PRSS23: variants seen among roughly 807,000 people sequenced by gnomAD.
PRSS23 encodes the protein serine protease 23, also known as protease, serine 23.
PRSS23 carries 25 observed loss-of-function variants against 34.7 expected under a neutral mutation model. The ratio of observed to expected loss-of-function variants is 0.72; its 90% CI spans 0.53 to 1.01. The LOEUF (loss-of-function observed/expected upper bound fraction) is 1.01. Ranked by LOEUF, PRSS23 falls within the 50% of genes least tolerant of loss-of-function variation. The pLI is 0.00. For synonymous variants in PRSS23, 176 were observed against 186.6 expected, an observed-to-expected ratio of 0.94 and a Z score of 0.46; for missense variants, 445 against 475.6, an observed-to-expected ratio of 0.94 and a Z score of 0.60.
chr11:86,823,118 A>G (rs539308845), intron 1 of PRSS23, among the ~76,000 whole-genome samples: 113 of 152,344 alleles, frequency 7.4e-4, no homozygotes, highest in African/African-American at 2.6e-3. Flanking sequence ...ACTTTCCCTA[A>G]AAGAATGAAG....
At chr11:86,879,188 G>T (rs1443872325) in intron 2 of PRSS23, among the ~76,000 whole-genome samples, 1 of 147,426 alleles carries the variant, frequency 6.8e-6, no homozygotes, top group African/African-American at 2.5e-5. Context: ...GAGCGTCTCT[G>T]CCCGGCGGCC....
intron 2 of PRSS23, chr11:86,833,241 GA>G: frequency 6.4e-7 from 1 of 1,571,304 alleles, no homozygotes; most frequent in Non-Finnish European, 8.7e-7. Context: ...TGTTGGAGGT[GA>G]AACCGATGTC....
intron 2 of PRSS23, among the ~76,000 whole-genome samples, chr11:86,830,484 G>GT (rs1252328091): frequency 1.3e-5 from 2 of 152,042 alleles, no homozygotes; most frequent in Non-Finnish European, 2.9e-5. Context: ...CTCGCACATG[G>GT]TGCACTGCAC....
intron 2 of PRSS23, among the ~76,000 whole-genome samples, chr11:86,862,761 G>A (rs1948624765): frequency 6.6e-6 from 1 of 151,730 alleles, no homozygotes; most frequent in South Asian, 2.1e-4. Flanking sequence ...TATCCTAGGG[G>A]CATGTTACTC....
intron 2 of PRSS23, among the ~76,000 whole-genome samples, chr11:86,877,858 A>C (rs1590908156): frequency 3.0e-5 from 1 of 33,836 alleles, no homozygotes. Flanking sequence ...TCATTTCTGC[A>C]AAAAAAAAAA....
In PRSS23 at chr11:86,825,283, G is replaced by A. The variant is rs554842759; in HGVS notation, c.206+1690G>A. Reference sequence around the variant, plus strand: ...TTTGGCTGCATAAATGTCTTCTTTTGAGAAGTGTCTGTTCATGTCCTTGGC... The same window carrying A: ...TTTGGCTGCATAAATGTCTTCTTTTAAGAAGTGTCTGTTCATGTCCTTGGC... On this transcript the variant is annotated intron_variant, in intron 2 of 2. Coordinates refer to the PRSS23 transcript ENST00000533902. 2.0e-5 allele frequency among the ~76,000 whole-genome samples: 3 copies of A among 152,090 alleles called. No homozygotes were observed. The East Asian group carries it at 5.8e-4, about 29-fold the overall frequency.
At chr11:86,848,848 T>C (rs1368278056) in intron 2 of PRSS23, among the ~76,000 whole-genome samples, 2 of 152,154 alleles carry the variant, frequency 1.3e-5, no homozygotes, top group Non-Finnish European at 2.9e-5. Flanking sequence ...CCTTGGTGGC[T>C]CAGAGGGAAC....
intron 2 of PRSS23, among the ~76,000 whole-genome samples, chr11:86,866,647 A>G (rs1241461961): frequency 6.6e-6 from 1 of 152,228 alleles, no homozygotes; most frequent in Non-Finnish European, 1.5e-5. Context: ...GTTTGTCACC[A>G]ACAAATCTAA....
chr11:86,828,946 CTT>C (rs1948327136), intron 2 of PRSS23, among the ~76,000 whole-genome samples: 1 of 152,090 alleles, frequency 6.6e-6, no homozygotes, highest in Admixed American at 6.5e-5. Context: ...TTCATTTCAA[CTT>C]TGGTGAATCT....
chr11:86,854,267 C>T (rs10898542), intron 2 of PRSS23, among the ~76,000 whole-genome samples: 59,493 of 151,882 alleles, frequency 0.39, 12,105 homozygotes, highest in African/African-American at 0.49. Context: ...CCCAAAGTGC[C>T]GGGATTACAG....
At chr11:86,951,176 A>G (rs764902681) in intron 2 of PRSS23, 1 of 1,614,074 alleles carries the variant, frequency 6.2e-7, no homozygotes, top group East Asian at 2.2e-5. Flanking sequence ...TCCAGGCTTC[A>G]CCCAACCATT....
intron 2 of PRSS23, among the ~76,000 whole-genome samples, chr11:86,848,647 A>T (rs989604636): frequency 6.6e-6 from 1 of 152,216 alleles, no homozygotes; most frequent in African/African-American, 2.4e-5. Context: ...GGATAAACTT[A>T]TCACCTAAGA....
upstream of PRSS23, among the ~76,000 whole-genome samples, chr11:86,798,881 G>A (rs974196126): frequency 2.0e-5 from 3 of 152,104 alleles, no homozygotes; most frequent in Non-Finnish European, 4.4e-5. Context: ...TTTTTATAGA[G>A]ATGGGGTTTT....
At chr11:86,801,995 T>C (rs543919973) in intron 1 of PRSS23, among the ~76,000 whole-genome samples, 76 of 152,342 alleles carry the variant, frequency 5.0e-4, no homozygotes, top group Non-Finnish European at 8.2e-4. Flanking sequence ...TGACGACTTA[T>C]TCAGCTGGAT....
Position 86,928,440 on chromosome 11 carries a change from C to T in PRSS23, c.207-22776C>T, listed in dbSNP as rs534317611. ...CCTGTAATCCCAGCACTTTGGGAGG[C>T]TGAGGCAGGCAGATCATGAGGTCAG... On this transcript the variant is annotated intron_variant, in intron 2 of 2. Transcript: ENST00000533902. Among the ~76,000 whole-genome samples, 4 of 148,450 alleles carry T rather than the reference C, an allele frequency of 2.7e-5. No individual in the cohort carries two copies. In the South Asian group the frequency reaches 8.4e-4, roughly 31 times the overall value.
chr11:86,797,539 G>A (rs923847996), upstream of PRSS23, among the ~76,000 whole-genome samples: 1 of 152,178 alleles, frequency 6.6e-6, no homozygotes, highest in Non-Finnish European at 1.5e-5. Flanking sequence ...TAGTCCCTGA[G>A]ACCAGATGAA....
chr11:86,817,151 TTTA>T (rs1244287420), intron 1 of PRSS23, among the ~76,000 whole-genome samples: 1 of 152,198 alleles, frequency 6.6e-6, no homozygotes, highest in African/African-American at 2.4e-5. Flanking sequence ...TGTGATTTTT[TTTA>T]TTGCCTTCTA....
intron 2 of PRSS23, among the ~76,000 whole-genome samples, chr11:86,906,432 T>C (rs900120298): frequency 3.9e-5 from 6 of 152,208 alleles, no homozygotes; most frequent in African/African-American, 1.4e-4. Context: ...TGCCCGCCCC[T>C]GCGCCACCCC....
chr11:86,877,495 AATT>A (rs1266815525), intron 2 of PRSS23, among the ~76,000 whole-genome samples: 1 of 151,932 alleles, frequency 6.6e-6, no homozygotes, highest in Non-Finnish European at 1.5e-5. Context: ...TTCTATTTTG[AATT>A]ATTATAACTT....
Sources: allele counts gnomAD v4.1 joint callset (sites outside exome capture counted in the v4.1 genomes callset), GRCh38; gene constraint gnomAD v4.1.1; transcripts MANE v1.5; gene names NCBI Gene and HGNC (gene_info 2026-07-23, HGNC 2026-07-21).